The following LRRTM4 variants were observed in gnomAD, a reference collection of about 807,000 sequenced individuals.
LRRTM4 encodes the protein leucine-rich repeat transmembrane neuronal protein 4.
Under a neutral mutation model 47.6 loss-of-function variants are expected in LRRTM4, and 25 were observed. That is an observed-to-expected ratio of 0.53 (90% confidence interval 0.38 to 0.73). The LOEUF is 0.73. LRRTM4 is among the 30% of genes least tolerant of loss of function. LRRTM4 has a pLI of 0.00. For missense variants in LRRTM4, 638 were observed against 713.4 expected (o/e 0.89, Z 1.20); for synonymous variants, 311 against 269.5 (o/e 1.15, Z -1.51).
At chr2:76,781,807 T>C (rs528942800) in intron 3 of LRRTM4, among the ~76,000 whole-genome samples, 1,873 of 152,256 alleles carry the variant, frequency 0.012, 41 homozygotes, top group African/African-American at 0.041. Flanking sequence ...CTATTTTTTT[T>C]CCTGAAGAGG....
intron 3 of LRRTM4, among the ~76,000 whole-genome samples, chr2:77,125,476 T>C (rs535443708): frequency 1.9e-4 from 29 of 152,266 alleles, no homozygotes; most frequent in Admixed American, 6.5e-4. Flanking sequence ...CTCCTACCTT[T>C]TTCCATCCTA....
At chr2:77,334,271 C>T (rs1245539639) in intron 3 of LRRTM4, among the ~76,000 whole-genome samples, 1 of 152,092 alleles carries the variant, frequency 6.6e-6, no homozygotes, top group East Asian at 1.9e-4. Context: ...ACTGGGAAGG[C>T]ATGATTGCTT....
chr2:77,092,711 C>A (rs1165015326), intron 3 of LRRTM4, among the ~76,000 whole-genome samples: 3 of 143,948 alleles, frequency 2.1e-5, no homozygotes, highest in African/African-American at 8.5e-5. Context: ...AAGGCCACCG[C>A]AGTCATTTCT....
intron 3 of LRRTM4, among the ~76,000 whole-genome samples, chr2:77,241,892 C>A (rs751248263): frequency 2.0e-5 from 3 of 152,040 alleles, no homozygotes; most frequent in African/African-American, 7.2e-5. Flanking sequence ...GTTGAAAAGA[C>A]CATTCTTTCC....
At chr2:77,342,973 T>A (rs779774445) in intron 3 of LRRTM4, among the ~76,000 whole-genome samples, 9 of 151,972 alleles carry the variant, frequency 5.9e-5, no homozygotes, top group Non-Finnish European at 8.8e-5. Context: ...CTCTTTAGCT[T>A]TTGTCAAAAG....
At chr2:76,915,057 G>T (rs891384325) in intron 3 of LRRTM4, among the ~76,000 whole-genome samples, 1 of 152,186 alleles carries the variant, frequency 6.6e-6, no homozygotes, top group Non-Finnish European at 1.5e-5. Context: ...GAAAATTTTA[G>T]AAATCTTTGA....
At chr2:76,867,546 GTT>G (rs1672502105) in intron 3 of LRRTM4, among the ~76,000 whole-genome samples, 1 of 152,174 alleles carries the variant, frequency 6.6e-6, no homozygotes, top group Non-Finnish European at 1.5e-5. Context: ...GATGTTAGAA[GTT>G]AGCTGCTATA....
chr2:77,305,256 A>C (rs1677241317), intron 3 of LRRTM4, among the ~76,000 whole-genome samples: 2 of 152,064 alleles, frequency 1.3e-5, no homozygotes, highest in African/African-American at 2.4e-5. Flanking sequence ...CCAATTTCTT[A>C]TATATTTATG....
chr2:76,782,608 A>T (rs1437216804), intron 3 of LRRTM4, among the ~76,000 whole-genome samples: 2 of 152,154 alleles, frequency 1.3e-5, no homozygotes, highest in Non-Finnish European at 2.9e-5. Context: ...ACATTTTTTA[A>T]ACTGCAAATG....
intron 3 of LRRTM4, among the ~76,000 whole-genome samples, chr2:77,077,745 C>T (rs1290269921): frequency 6.6e-6 from 1 of 152,006 alleles, no homozygotes; most frequent in African/African-American, 2.4e-5. Flanking sequence ...AAATAAATCC[C>T]CAAAAATGCT....
chr2:77,521,496 A>G (rs944422314), intron 2 of LRRTM4, among the ~76,000 whole-genome samples, 172 bp downstream of exon 2: 1 of 151,968 alleles, frequency 6.6e-6, no homozygotes, highest in Non-Finnish European at 1.5e-5. Flanking sequence ...AAACACTGCA[A>G]AAAGGAAAAT....
chr2:77,480,687 T>C (rs985210721), intron 3 of LRRTM4, among the ~76,000 whole-genome samples: 5 of 151,924 alleles, frequency 3.3e-5, no homozygotes, highest in African/African-American at 1.2e-4. Flanking sequence ...GCATAAAATC[T>C]CACAATTTAC....
chr2:76,974,243 TATATATATATAC>T (rs1558771849), intron 3 of LRRTM4, among the ~76,000 whole-genome samples: 1 of 131,388 alleles, frequency 7.6e-6, no homozygotes, highest in African/African-American at 3.1e-5. Context: ...TATATATACA[TATATATATATAC>T]ACACACATAC....
chr2:77,169,083 T>C (rs1672971088), intron 3 of LRRTM4, among the ~76,000 whole-genome samples: 1 of 152,150 alleles, frequency 6.6e-6, no homozygotes, highest in Admixed American at 6.6e-5. Flanking sequence ...TACTTCAGCA[T>C]AGTCAAGATC....
chr2:77,114,394 G>C (rs7608803), intron 3 of LRRTM4, among the ~76,000 whole-genome samples: 23,389 of 151,932 alleles, frequency 0.15, 3,639 homozygotes, highest in African/African-American at 0.39. Context: ...GTTTAATATA[G>C]CAGAGATGAG....
intron 3 of LRRTM4, among the ~76,000 whole-genome samples, chr2:77,485,559 T>C (rs527388633): frequency 1.6e-4 from 25 of 152,162 alleles, no homozygotes; most frequent in Admixed American, 1.6e-3. Flanking sequence ...ATTGTAAAGA[T>C]TAAAAAGAGG....
intron 3 of LRRTM4, among the ~76,000 whole-genome samples, chr2:77,202,747 T>C (rs1674012768): frequency 6.6e-6 from 1 of 152,106 alleles, no homozygotes; most frequent in African/African-American, 2.4e-5. Context: ...GTTACAGTTA[T>C]CACTTTTATT....
chr2:77,135,057 A>G (rs1000000707), intron 3 of LRRTM4, among the ~76,000 whole-genome samples: 17 of 152,202 alleles, frequency 1.1e-4, no homozygotes, highest in Admixed American at 4.6e-4. Context: ...TCTGAATAAA[A>G]TTATAGGTAA....
chr2:77,311,147 A>G (rs1677444964), intron 3 of LRRTM4, among the ~76,000 whole-genome samples: 1 of 152,102 alleles, frequency 6.6e-6, no homozygotes, highest in African/African-American at 2.4e-5. Flanking sequence ...CACATAATTC[A>G]TGTGTTTTTA....
Sources: allele counts gnomAD v4.1 joint callset (sites outside exome capture counted in the v4.1 genomes callset), GRCh38; gene constraint gnomAD v4.1.1; transcripts MANE v1.5; gene names NCBI Gene and HGNC (gene_info 2026-07-23, HGNC 2026-07-21).